ACTC1: variants seen among roughly 807,000 people sequenced by gnomAD.
ACTC1 encodes actin alpha cardiac muscle 1, also known as actin, alpha cardiac muscle 1.
Under a neutral mutation model 31.6 loss-of-function variants are expected in ACTC1, and 10 were observed. That is an observed-to-expected ratio of 0.32 (90% confidence interval 0.19 to 0.54). The LOEUF is 0.54. ACTC1 is among the 20% of genes least tolerant of loss of function. The pLI, the probability that ACTC1 is intolerant of heterozygous loss-of-function variation, is 0.95. For synonymous variants in ACTC1, 196 were observed against 185.0 expected (o/e 1.06, Z -0.48); for missense variants, 129 against 506.4 (o/e 0.25, Z 7.15).
In ACTC1 at chr15:34,792,105, G is replaced by A; in HGVS notation, c.793C>T (p.Gln265Ter). Residue 265 changes from glutamine (Q) to a stop codon, truncating the protein, a stop_gained, in exon 5 of 7, where the codon CAG (glutamine) becomes TAG (stop). Transcript: ENST00000290378. LOFTEE classifies it high-confidence loss of function. The surrounding 1 kb of genome is among the most constrained non-coding windows in gnomAD (Gnocchi z 5.3). Reference protein sequence around the residue: ...ERFRCPETLFQPSFIGMESAG... With the variant: ...ERFRCPETLF ...TACAACTCACCAATGAAGGAGGGCT[G>A]GAAGAGTGTCTCAGGACAGCGGAAG... The A allele has an allele frequency of 6.2e-7, 1 of 1,614,226 alleles. No individual in the cohort carries two copies. The highest frequency in any genetic ancestry group is 8.5e-7 in the Non-Finnish European group (1 of 1,180,046).
chr15:34,793,149 G>A lies in ACTC1; in HGVS notation c.454+96C>T. On this transcript the variant is annotated intron_variant, in intron 3 of 6. Coordinates refer to ENST00000290378, the MANE Select transcript of ACTC1 (RefSeq NM_005159.5). The surrounding 1 kb of genome is among the most constrained non-coding windows in gnomAD (Gnocchi z 4.8). Reference sequence around the variant, plus strand: ...ACCTTGCTAGGGAATGGGAGGAAAGGGATTATCCCTTTTTCAACTGGGGGA... The same window carrying A: ...ACCTTGCTAGGGAATGGGAGGAAAGAGATTATCCCTTTTTCAACTGGGGGA... 2.3e-6 allele frequency: 3 copies of A among 1,288,178 alleles called. No individual in the cohort carries two copies. The highest frequency in any genetic ancestry group is 3.3e-6 in the Non-Finnish European group (3 of 895,918). The allele number at this position is 1,288,178 out of a possible 1,614,324, so 79.8% of individuals were successfully genotyped here. A position where few individuals can be genotyped will look rare whatever the true frequency, so the allele number is the denominator to read the frequency against.
At position 34,793,775 on chromosome 15, in the gene ACTC1, T is replaced by C. The variant is rs546907646; in HGVS notation, c.130-206A>G. ...CCACTCCCCCAAAGATGTATAATTC[T>C]ATTGTTGAGAATATAACTCAGGAGA... On this transcript the variant is annotated intron_variant, in intron 2 of 6. Coordinates refer to ENST00000290378, the MANE Select transcript of ACTC1 (RefSeq NM_005159.5). This position sits in a 1 kb window ranked among gnomAD's most constrained non-coding sequence, Gnocchi z 4.8. Among the ~76,000 whole-genome samples the C allele has an allele frequency of 2.0e-4, 31 of 152,322 alleles. No homozygotes were observed. Among genetic ancestry groups the C allele is most frequent in the African/African-American group, 7.2e-4 (30 of 41,582 alleles).
In ACTC1 at chr15:34,793,234, GC is replaced by G. The variant is rs2140431695; in HGVS notation, c.454+10del. ...TGATTCATCAGTAACTGTCCCCAGA[GC>G]CCAGCATACCTGTGGTACGGCCAGA... is the stretch of plus-strand genomic sequence containing the variant. On this transcript the variant is annotated intron_variant, in intron 3 of 6. Coordinates refer to ENST00000290378, the MANE Select transcript of ACTC1 (RefSeq NM_005159.5). The surrounding 1 kb of genome is among the most constrained non-coding windows in gnomAD (Gnocchi z 4.8). The G allele has an allele frequency of 6.2e-7, 1 of 1,613,712 alleles. No homozygotes were observed. The highest frequency in any genetic ancestry group is 2.2e-5 in the East Asian group (1 of 44,878).
rs747955558 is a variant in ACTC1 at position 34,792,971 on chromosome 15, A to G, written c.454+274T>C. On this transcript the variant is annotated intron_variant, in intron 3 of 6. Coordinates refer to ENST00000290378, the MANE Select transcript of ACTC1 (RefSeq NM_005159.5). The surrounding 1 kb of genome is among the most constrained non-coding windows in gnomAD (Gnocchi z 5.3). Reference sequence around the variant, plus strand: ...TTGCCCAGGTGATGTGATGGTTTAAACACATAACAATGACTGCTGCACTCC... The same window carrying G: ...TTGCCCAGGTGATGTGATGGTTTAAGCACATAACAATGACTGCTGCACTCC... The G allele has an allele frequency of 1.1e-5, 6 of 543,584 alleles. No homozygotes were observed. The highest frequency in any genetic ancestry group is 2.0e-5 in the Non-Finnish European group (6 of 303,168). 33.7% of individuals were successfully genotyped at this position (543,584 alleles called of 1,614,324 possible). A position where few individuals can be genotyped will look rare whatever the true frequency, so the allele number is the denominator to read the frequency against.
In ACTC1 at chr15:34,793,897, G is replaced by A. The variant is rs1426290970; in HGVS notation, c.130-328C>T. ...ATTAAGCTCATCACCCATGTCAACT[G>A]GAATATAGATGACTGCATTTTGGAA... On this transcript the variant is annotated intron_variant, in intron 2 of 6. Transcript: ENST00000290378. This position sits in a 1 kb window ranked among gnomAD's most constrained non-coding sequence, Gnocchi z 4.8. Among the ~76,000 whole-genome samples the A allele has an allele frequency of 6.6e-6, 1 of 152,124 alleles. No individual in the cohort carries two copies. Among genetic ancestry groups the A allele is most frequent in the Admixed American group, 6.5e-5 (1 of 15,282 alleles).
Position 34,792,565 on chromosome 15 carries a change from A to T in ACTC1, c.459T>A (p.Ile153=). The change falls in exon 4 of 7, where the codon ATT becomes ATA. Residue 153 remains isoleucine (I), a synonymous_variant. Coordinates refer to ENST00000290378, the MANE Select transcript of ACTC1 (RefSeq NM_005159.5). This position sits in a 1 kb window ranked among gnomAD's most constrained non-coding sequence, Gnocchi z 5.3. ...TTACACCATCCCCAGAGTCCAGAAC[A>T]ATGCCTGCCCGGGGAAGTAGACAAG... ...SLYASGRTTG[I]VLDSGDGVTH... 1.2e-6 allele frequency: 2 copies of T among 1,614,142 alleles called. No homozygotes were observed. Among genetic ancestry groups the T allele is most frequent in the Non-Finnish European group, 1.7e-6 (2 of 1,180,010 alleles).
Position 34,793,625 on chromosome 15 carries a change from G to A in ACTC1, c.130-56C>T. On this transcript the variant is annotated intron_variant, in intron 2 of 6. Coordinates refer to ENST00000290378, the MANE Select transcript of ACTC1 (RefSeq NM_005159.5). This position sits in a 1 kb window ranked among gnomAD's most constrained non-coding sequence, Gnocchi z 4.8. ...TCTCACCATGTCAGGAATATAATCA[G>A]TGTCTTGTCCATTTATATCTAACTG... 1 of 1,517,034 alleles carries A rather than the reference G, an allele frequency of 6.6e-7. No individual in the cohort carries two copies. The highest frequency in any genetic ancestry group is 9.1e-7 in the Non-Finnish European group (1 of 1,097,012). The allele number at this position is 1,517,034 out of a possible 1,614,324, so 94.0% of individuals were successfully genotyped here.
chr15:34,795,137 A>G (rs1891797873), intron 1 of ACTC1, among the ~76,000 whole-genome samples: 2 of 151,952 alleles, frequency 1.3e-5, no homozygotes, highest in South Asian at 4.2e-4. Flanking sequence ...CAGCCCTTTA[A>G]CTTTCTTCCT....
intron 2 of ACTC1, 27 bp downstream of exon 2, chr15:34,794,653 G>A: frequency 6.2e-7 from 1 of 1,607,018 alleles, no homozygotes; most frequent in African/African-American, 1.3e-5. Context: ...GTCCCGAGTG[G>A]GACGGGGGGC....
rs1891736727 is a variant in ACTC1, at chr15:34,792,962, A to G, written c.454+283T>C. ...TGGGGATGCTTGCCCAGGTGATGTG[A>G]TGGTTTAAACACATAACAATGACTG... On this transcript the variant is annotated intron_variant, in intron 3 of 6. Transcript: ENST00000290378. The surrounding 1 kb of genome is among the most constrained non-coding windows in gnomAD (Gnocchi z 5.3). 9.3e-6 allele frequency: 5 copies of G among 536,024 alleles called. No homozygotes were observed. Among genetic ancestry groups the G allele is most frequent in the Non-Finnish European group, 1.7e-5 (5 of 298,728 alleles). 33.2% of individuals were successfully genotyped at this position (536,024 alleles called of 1,614,324 possible).
chr15:34,795,352 A>T (rs1595762356), intron 1 of ACTC1, among the ~76,000 whole-genome samples, 154 bp downstream of exon 1: 1 of 61,312 alleles, frequency 1.6e-5, no homozygotes, highest in South Asian at 3.7e-4. Context: ...TGTGGGCTTT[A>T]AAAAAAAAAA....
At position 34,792,868 on chromosome 15, in the gene ACTC1, C is replaced by T. The variant is rs1827717222; in HGVS notation, c.455-299G>A. Reference sequence around the variant, plus strand: ...TATGTAAGCACCCAAGGGTGTTTTTCTTTGCTCCTATTGAACTTACACGTT... The same window carrying T: ...TATGTAAGCACCCAAGGGTGTTTTTTTTTGCTCCTATTGAACTTACACGTT... On this transcript the variant is annotated intron_variant, in intron 3 of 6. Coordinates refer to ENST00000290378, the MANE Select transcript of ACTC1 (RefSeq NM_005159.5). The surrounding 1 kb of genome is among the most constrained non-coding windows in gnomAD (Gnocchi z 5.3). 2 of 513,746 alleles carry T rather than the reference C, an allele frequency of 3.9e-6. No individual in the cohort carries two copies. The highest frequency in any genetic ancestry group is 7.0e-6 in the Non-Finnish European group (2 of 284,504). The allele number at this position is 513,746 out of a possible 1,614,324, so 31.8% of individuals were successfully genotyped here.
At position 34,790,435 on chromosome 15, in the gene ACTC1, T is replaced by C; in HGVS notation, c.1111A>G (p.Ile371Val). 1.2e-6 allele frequency: 2 copies of C among 1,614,036 alleles called. No individual in the cohort carries two copies. Among genetic ancestry groups the C allele is most frequent in the South Asian group, 1.1e-5 (1 of 91,074 alleles). ...TCTTAGAAGCATTTGCGGTGGACAA[T>C]GGATGGGCCTGCCTCATCGTACTCT... Reference protein sequence around the residue: ...KQEYDEAGPSIVHRKCF With the variant: ...KQEYDEAGPSVVHRKCF Residue 371 changes from isoleucine to valine, a missense_variant, in exon 7 of 7, where the codon ATT (isoleucine) becomes GTT (valine). Transcript: ENST00000290378.
chr15:34,794,657 G>C, intron 2 of ACTC1, 23 bp downstream of exon 2: 1 of 1,600,322 alleles, frequency 6.2e-7, no homozygotes, highest in Non-Finnish European at 8.5e-7. Flanking sequence ...CGAGTGGGAC[G>C]GGGGGCTCGG....
Position 34,793,645 on chromosome 15 carries a change from T to C in ACTC1, c.130-76A>G. On this transcript the variant is annotated intron_variant, in intron 2 of 6. Coordinates refer to ENST00000290378, the MANE Select transcript of ACTC1 (RefSeq NM_005159.5). The surrounding 1 kb of genome is among the most constrained non-coding windows in gnomAD (Gnocchi z 4.8). The stretch of plus-strand genomic sequence containing the variant: ...AATCAGTGTCTTGTCCATTTATATC[T>C]AACTGCCCAAGTCAAGGAACATATT... The C allele has an allele frequency of 7.5e-7, 1 of 1,334,822 alleles. No homozygotes were observed. 82.7% of individuals were successfully genotyped at this position (1,334,822 alleles called of 1,614,324 possible).
Position 34,792,235 on chromosome 15 carries a change from G to T in ACTC1, c.663C>A (p.Val221=), listed in dbSNP as rs766868624. 3 of 1,614,218 alleles carry T rather than the reference G, an allele frequency of 1.9e-6. No homozygotes were observed. The South Asian group carries it at 3.3e-5, about 18-fold the overall frequency. ...CCATCTCATTCTCAAAATCCAGGGCGACATAGCACAGCTTCTCTTTAATGT... is the reference window on the plus strand; with the variant it reads ...CCATCTCATTCTCAAAATCCAGGGCTACATAGCACAGCTTCTCTTTAATGT... ...VRDIKEKLCY[V]ALDFENEMAT... is the part of the protein sequence containing the mutation. The change falls in exon 5 of 7, where the codon GTC becomes GTA. Residue 221 remains valine, a synonymous_variant. Transcript: ENST00000290378. The surrounding 1 kb of genome is among the most constrained non-coding windows in gnomAD (Gnocchi z 5.3).
chr15:34,790,576 C>A (rs771206086), intron 6 of ACTC1, 21 bp from the exon 7 acceptor site: 1 of 1,613,904 alleles, frequency 6.2e-7, no homozygotes, highest in South Asian at 1.1e-5. Flanking sequence ...AAAACAAAAA[C>A]TTCCAGTGAA....
At chr15:34,791,329 A>AT in intron 5 of ACTC1, 34 bp from the exon 6 acceptor site, 1 of 1,540,942 alleles carries the variant, frequency 6.5e-7, no homozygotes, top group Non-Finnish European at 8.9e-7. Flanking sequence ...ACACACACAC[A>AT]CACACACACA....
chr15:34,793,098 A>T lies in ACTC1; in HGVS notation c.454+147T>A. 1.3e-6 allele frequency: 1 copy of T among 795,232 alleles called. No homozygotes were observed. The highest frequency in any genetic ancestry group is 2.0e-6 in the Non-Finnish European group (1 of 491,308). The allele number at this position is 795,232 out of a possible 1,614,324, so 49.3% of individuals were successfully genotyped here. Reference sequence around the variant, plus strand: ...GCTCCGAAACTAACCTCAGGGCACTACTGTTAACTCTTTCTCTTAGCACAG... The same window carrying T: ...GCTCCGAAACTAACCTCAGGGCACTTCTGTTAACTCTTTCTCTTAGCACAG... On this transcript the variant is annotated intron_variant, in intron 3 of 6. Transcript: ENST00000290378. This position sits in a 1 kb window ranked among gnomAD's most constrained non-coding sequence, Gnocchi z 4.8.
Sources: gnomAD v4.1 joint callset for allele counts (sites outside exome capture counted in the v4.1 genomes callset) on GRCh38, gnomAD v4.1.1 for gene constraint, Gnocchi (gnomAD v3.1) non-coding constraint, MANE v1.5 for transcripts, NCBI Gene and HGNC (gene_info 2026-07-23, HGNC 2026-07-21) for gene names.